SV2C: variants seen among roughly 807,000 people sequenced by gnomAD.
The protein encoded by SV2C is synaptic vesicle glycoprotein 2C, also known as solute carrier family 22 member B3.
SV2C carries 49 observed loss-of-function variants against 79.7 expected under a neutral mutation model. That is an observed-to-expected ratio of 0.61 (90% CI 0.49 to 0.78). SV2C has a LOEUF of 0.78. SV2C is among the 30% of genes least tolerant of loss of function. The pLI is 0.00. For missense variants in SV2C, 833 were observed against 912.9 expected (o/e 0.91, Z 1.13); for synonymous variants, 334 against 333.2 (o/e 1.00, Z -0.03).
At chr5:75,904,260 C>T in the SV2C span, among the ~76,000 whole-genome samples, 1 of 151,970 alleles carries the variant, frequency 6.6e-6, no homozygotes, top group African/African-American at 2.4e-5. Flanking sequence ...TGTTTGCTGA[C>T]AACAGGTCTT....
intron 1 of SV2C, among the ~76,000 whole-genome samples, chr5:76,120,363 CT>C (rs911889334): frequency 6.9e-6 from 1 of 144,186 alleles, no homozygotes; most frequent in Non-Finnish European, 1.5e-5. Flanking sequence ...TTCTTTTTCT[CT>C]TTTTTTATTA....
chr5:76,301,231 A>T (rs1431546725), intron 11 of SV2C, among the ~76,000 whole-genome samples, 155 bp from the exon 12 acceptor site: 1 of 152,182 alleles, frequency 6.6e-6, no homozygotes, highest in African/African-American at 2.4e-5. Context: ...AGAGCCTTTC[A>T]TTCAGGTGAA....
At chr5:75,895,072 C>G in the SV2C span, among the ~76,000 whole-genome samples, 2 of 152,088 alleles carry the variant, frequency 1.3e-5, no homozygotes, top group African/African-American at 4.8e-5. Context: ...GCAGATACTT[C>G]AGCAGCCACA....
the SV2C span, among the ~76,000 whole-genome samples, chr5:75,972,271 G>A: frequency 4.3e-4 from 66 of 152,008 alleles, no homozygotes; most frequent in Admixed American, 2.1e-3. Flanking sequence ...CATGGGCAAG[G>A]ACTTCATGTC....
chr5:75,963,511 C>A, the SV2C span, among the ~76,000 whole-genome samples: 1 of 152,106 alleles, frequency 6.6e-6, no homozygotes, highest in Non-Finnish European at 1.5e-5. Context: ...AGACATGTCT[C>A]ATTTGGGTCT....
At chr5:76,257,786 T>C (rs548108634) in intron 4 of SV2C, among the ~76,000 whole-genome samples, 3 of 151,308 alleles carry the variant, frequency 2.0e-5, no homozygotes, top group African/African-American at 7.3e-5. Context: ...GTATGTAGTA[T>C]AGATGGTGTG....
At chr5:75,866,773 C>T in the SV2C span, among the ~76,000 whole-genome samples, 6 of 152,084 alleles carry the variant, frequency 3.9e-5, no homozygotes, top group African/African-American at 1.2e-4. Context: ...AGCAGTAAGG[C>T]TCCAAGATAG....
At chr5:76,314,376 C>T (rs1485264153) in intron 12 of SV2C, among the ~76,000 whole-genome samples, 1 of 152,166 alleles carries the variant, frequency 6.6e-6, no homozygotes, top group Non-Finnish European at 1.5e-5. Context: ...CTTCAGCTGT[C>T]AGCTCCCCGT....
intron 4 of SV2C, among the ~76,000 whole-genome samples, chr5:76,212,633 A>C (rs1744799547): frequency 6.6e-6 from 1 of 151,830 alleles, no homozygotes; most frequent in Admixed American, 6.6e-5. Flanking sequence ...CCTTCCCATC[A>C]TATCGCTCAG....
At chr5:76,093,967 G>C (rs1212332272) in intron 1 of SV2C, among the ~76,000 whole-genome samples, 1 of 152,128 alleles carries the variant, frequency 6.6e-6, no homozygotes, top group Admixed American at 6.5e-5. Context: ...TGTTTTTGGA[G>C]CTGGATGCAG....
At chr5:75,943,910 G>A in the SV2C span, among the ~76,000 whole-genome samples, 8 of 152,156 alleles carry the variant, frequency 5.3e-5, no homozygotes, top group African/African-American at 1.9e-4. Context: ...AGTCTGTGGA[G>A]TTGGGAGAAT....
intron 4 of SV2C, among the ~76,000 whole-genome samples, chr5:76,269,517 A>C (rs1412165525): frequency 6.6e-6 from 1 of 152,224 alleles, no homozygotes; most frequent in African/African-American, 2.4e-5. Context: ...TGGTGGGTGC[A>C]TTATAAATAT....
chr5:75,987,539 A>C, the SV2C span, among the ~76,000 whole-genome samples: 1 of 151,984 alleles, frequency 6.6e-6, no homozygotes, highest in Non-Finnish European at 1.5e-5. Flanking sequence ...TGGACTACCT[A>C]CTTCCAGATT....
At chr5:76,058,062 C>A in the SV2C span, among the ~76,000 whole-genome samples, 2 of 152,086 alleles carry the variant, frequency 1.3e-5, no homozygotes, top group African/African-American at 2.4e-5. Flanking sequence ...TGGCATATTT[C>A]ATTTCTTCTT....
At chr5:75,931,134 A>G in the SV2C span, among the ~76,000 whole-genome samples, 1 of 152,150 alleles carries the variant, frequency 6.6e-6, no homozygotes, top group East Asian at 1.9e-4. Context: ...CTCGGTCTTT[A>G]AAAAAACAAA....
chr5:76,215,604 G>T (rs1580359487), intron 4 of SV2C, among the ~76,000 whole-genome samples: 1 of 152,164 alleles, frequency 6.6e-6, no homozygotes, highest in African/African-American at 2.4e-5. Context: ...TATAAATGAT[G>T]CCACAGTCCA....
intron 4 of SV2C, chr5:76,241,941 G>A: frequency 1.3e-6 from 1 of 773,774 alleles, no homozygotes; most frequent in Non-Finnish European, 2.2e-6. Context: ...ACAAAATTCT[G>A]CATTTTTATA....
intron 1 of SV2C, among the ~76,000 whole-genome samples, chr5:76,120,277 A>G (rs1268652913): frequency 2.9e-5 from 3 of 103,582 alleles, no homozygotes; most frequent in Non-Finnish European, 5.2e-5. Context: ...AAAGTCAAAT[A>G]ACATTTCTTT....
chr5:76,171,537 C>T lies in SV2C; in HGVS notation c.581-23382C>T, dbSNP rs1218161881. 1.7e-4 allele frequency among the ~76,000 whole-genome samples: 23 copies of T among 138,906 alleles called. 2 individuals are homozygous for T. Among genetic ancestry groups the T allele is most frequent in the African/African-American group, 2.6e-4 (10 of 38,824 alleles). 91.1% of individuals were successfully genotyped at this position (138,906 alleles called of 152,430 possible). On this transcript the variant is annotated intron_variant, in intron 2 of 12. Coordinates refer to ENST00000502798, the MANE Select transcript of SV2C (RefSeq NM_014979.4). ...CCGTCTGAGAAGTGAGGAGCCTCTC[C>T]GCCCGGCAGCCACCCCATCTGGGAA...
Sources: gnomAD v4.1 joint callset for allele counts (sites outside exome capture counted in the v4.1 genomes callset) on GRCh38, gnomAD v4.1.1 for gene constraint, MANE v1.5 for transcripts, NCBI Gene and HGNC (gene_info 2026-07-23, HGNC 2026-07-21) for gene names.